AGXT: variants seen among roughly 807,000 people sequenced by gnomAD.
AGXT encodes the protein L-alanine: glyoxylate aminotransferase 1.
A neutral mutation model predicts 46.9 loss-of-function variants in AGXT; 41 were observed. That is an observed-to-expected ratio of 0.88 (90% CI 0.68 to 1.14). AGXT has a LOEUF of 1.14. Among genes scored for constraint, AGXT ranks in the 50% most tolerant of loss-of-function variants. The probability of loss-of-function intolerance (pLI) is 0.00; values close to 1 mark genes in which losing one functional copy is unlikely to be tolerated. For missense variants in AGXT, 525 were observed against 522.7 expected (o/e 1.00, Z -0.04); for synonymous variants, 244 against 227.9 (o/e 1.07, Z -0.64).
In AGXT at chr2:240,868,946, G is replaced by T. The variant is rs1175994112; in HGVS notation, c.81G>T (p.Gly27=). The change falls in exon 1 of 11, where the codon GGG becomes GGT. Residue 27 remains glycine (G), a synonymous_variant. Transcript: ENST00000307503. ...PLSIPNQLLL[G]PGPSNLPPRI... ...CCATCCCCAACCAGCTCCTGCTGGG[G>T]CCTGGTCCTTCCAACCTGCCTCCTC... 3 of 1,613,104 alleles carry T rather than the reference G, an allele frequency of 1.9e-6. No individual in the cohort carries two copies. In the African/African-American group the frequency reaches 4.0e-5, roughly 22 times the overall value.
At chr2:240,875,234 G>A in intron 7 of AGXT, 30 bp downstream of exon 7, 3 of 1,567,006 alleles carry the variant, frequency 1.9e-6, no homozygotes, top group Non-Finnish European at 2.6e-6. Context: ...GGAAGGTGGA[G>A]GGCGCTGGGC....
rs558929513 is a variant in AGXT, at chr2:240,878,918, T to C, written c.*97T>C. Reference sequence around the variant, plus strand: ...CAGACCCTGCAAGGTCCTCCAGGCCTGGGGACAGGAAAGCCACTGACCCAG... The same window carrying C: ...CAGACCCTGCAAGGTCCTCCAGGCCCGGGGACAGGAAAGCCACTGACCCAG... On this transcript the variant is annotated 3_prime_UTR_variant, in exon 11 of 11. Transcript: ENST00000307503. The C allele has an allele frequency of 4.6e-6, 6 of 1,302,916 alleles. No homozygotes were observed. The highest frequency in any genetic ancestry group is 1.3e-5 in the South Asian group (1 of 79,220). 80.7% of individuals were successfully genotyped at this position (1,302,916 alleles called of 1,614,324 possible). A position where few individuals can be genotyped will look rare whatever the true frequency, so the allele number is the denominator to read the frequency against.
Position 240,871,376 on chromosome 2 carries a change from C to A in AGXT, c.451C>A (p.Leu151Met). Residue 151 changes from leucine to methionine, a missense_variant, in exon 4 of 11, where the codon CTG (leucine) becomes ATG (methionine). Leu to Met is a conservative substitution (Grantham distance 15). Transcript: ENST00000307503. ...EGLAQHKPVL[L>M]FLTHGESSTG... ...CCTGGCCCAGCACAAGCCAGTGCTG[C>A]TGTTCTTAACCCACGGGGAGTCGTC... 6.3e-7 allele frequency: 1 copy of A among 1,595,926 alleles called. No homozygotes were observed. Among genetic ancestry groups the A allele is most frequent in the Non-Finnish European group, 8.5e-7 (1 of 1,171,798 alleles).
At position 240,878,845 on chromosome 2, in the gene AGXT, C is replaced by T; in HGVS notation, c.*24C>T. 6.4e-7 allele frequency: 1 copy of T among 1,556,004 alleles called. No individual in the cohort carries two copies. Among genetic ancestry groups the T allele is most frequent in the Non-Finnish European group, 8.7e-7 (1 of 1,149,480 alleles). ...GACCTGCCCACTGGCACACAGCTGG[C>T]ACTGGCACACACCTGTCCCATGCCC... On this transcript the variant is annotated 3_prime_UTR_variant, in exon 11 of 11. Coordinates refer to ENST00000307503, the MANE Select transcript of AGXT (RefSeq NM_000030.3).
intron 9 of AGXT, 144 bp from the exon 10 acceptor site, chr2:240,877,878 G>A (rs2059036071): frequency 8.4e-7 from 1 of 1,184,646 alleles, no homozygotes; most frequent in Middle Eastern, 2.9e-4. Context: ...GCCTCCTAAG[G>A]GGTGGGGTCC....
chr2:240,878,907 T>G lies in AGXT; in HGVS notation c.*86T>G. 2.9e-6 allele frequency: 4 copies of G among 1,365,810 alleles called. No individual in the cohort carries two copies. The highest frequency in any genetic ancestry group is 4.0e-6 in the Non-Finnish European group (4 of 988,688). 84.6% of individuals were successfully genotyped at this position (1,365,810 alleles called of 1,614,324 possible). A position where few individuals can be genotyped will look rare whatever the true frequency, so the allele number is the denominator to read the frequency against. On this transcript the variant is annotated 3_prime_UTR_variant, in exon 11 of 11. Coordinates refer to ENST00000307503, the MANE Select transcript of AGXT (RefSeq NM_000030.3). ...TCAGGAGCAAACAGACCCTGCAAGG[T>G]CCTCCAGGCCTGGGGACAGGAAAGC...
At position 240,868,910 on chromosome 2, in the gene AGXT, C is replaced by G. The variant is rs1176113554; in HGVS notation, c.45C>G (p.Leu15=). 1.9e-6 allele frequency: 3 copies of G among 1,613,282 alleles called. No individual in the cohort carries two copies. The highest frequency in any genetic ancestry group is 1.7e-6 in the Non-Finnish European group (2 of 1,180,004). The change falls in exon 1 of 11, where the codon CTC becomes CTG. Residue 15 remains leucine, a synonymous_variant. Transcript: ENST00000307503. ...KLLVTPPKAL[L]KPLSIPNQLL... ...TGGTGACCCCCCCCAAGGCCCTGCT[C>G]AAGCCCCTCTCCATCCCCAACCAGC...
intron 6 of AGXT, among the ~76,000 whole-genome samples, chr2:240,874,637 G>A (rs963060249): frequency 2.6e-5 from 4 of 152,234 alleles, no homozygotes; most frequent in Non-Finnish European, 5.9e-5. Context: ...GATGCCAGCT[G>A]GACCACACGG....
chr2:240,878,084 C>A lies in AGXT; in HGVS notation c.1005C>A (p.Ile335=). ...CCGCTGGCTATGACTGGAGAGACAT[C>A]GTCAGCTACGTCATAGACCACTTCG... is the stretch of plus-strand genomic sequence containing the variant. ...AVPAGYDWRD[I]VSYVIDHFDI... The change falls in exon 10 of 11, where the codon ATC becomes ATA. Residue 335 remains isoleucine (I), a synonymous_variant. Transcript: ENST00000307503. 6.2e-7 allele frequency: 1 copy of A among 1,613,310 alleles called. No homozygotes were observed.
At position 240,877,640 on chromosome 2, in the gene AGXT, G is replaced by A. The variant is rs565273596; in HGVS notation, c.942+8G>A. On this transcript the variant is annotated splice_region_variant and intron_variant, in intron 9 of 10. Coordinates refer to ENST00000307503, the MANE Select transcript of AGXT (RefSeq NM_000030.3). ...CTCTTCGTGAAGGACCCGGTAAGGA[G>A]GCCCCTGGCATTGGGCAGCCCTGCA... is the stretch of plus-strand genomic sequence containing the variant. 6.4e-7 allele frequency: 1 copy of A among 1,550,512 alleles called. No individual in the cohort carries two copies. Among genetic ancestry groups the A allele is most frequent in the East Asian group, 2.4e-5 (1 of 40,946 alleles).
chr2:240,877,236 C>A, intron 8 of AGXT: 1 of 580,648 alleles, frequency 1.7e-6, no homozygotes, highest in South Asian at 1.6e-5. Flanking sequence ...CCCAACAGCC[C>A]TTCCCCTCCT....
rs80015252 is a variant in AGXT, at chr2:240,871,501, T to C, written c.524+52T>C. On this transcript the variant is annotated intron_variant, in intron 4 of 10. Coordinates refer to ENST00000307503, the MANE Select transcript of AGXT (RefSeq NM_000030.3). ...TGGAGCACAGCTCAGAGCCAGGCTA[T>C]GGGGAGGGGTGGGCACTGGTCCCTC... 7.3e-4 allele frequency: 1,081 copies of C among 1,485,964 alleles called. 2 individuals carry two copies. Among genetic ancestry groups the C allele is most frequent in the Admixed American group, 2.9e-3 (150 of 51,060 alleles). The allele number at this position is 1,485,964 out of a possible 1,614,324, so 92.0% of individuals were successfully genotyped here.
intron 7 of AGXT, among the ~76,000 whole-genome samples, 172 bp from the exon 8 acceptor site, chr2:240,875,763 C>T (rs774877966): frequency 4.6e-5 from 7 of 152,236 alleles, no homozygotes; most frequent in Admixed American, 6.5e-5. Flanking sequence ...CCCTGGCAGA[C>T]GAAGCTGCCT....
Position 240,878,918 on chromosome 2 carries a change from T to G in AGXT, c.*97T>G. The G allele has an allele frequency of 2.3e-6, 3 of 1,302,914 alleles. No homozygotes were observed. The highest frequency in any genetic ancestry group is 3.2e-6 in the Non-Finnish European group (3 of 932,762). The allele number at this position is 1,302,914 out of a possible 1,614,324, so 80.7% of individuals were successfully genotyped here. On this transcript the variant is annotated 3_prime_UTR_variant, in exon 11 of 11. Transcript: ENST00000307503. Reference sequence around the variant, plus strand: ...CAGACCCTGCAAGGTCCTCCAGGCCTGGGGACAGGAAAGCCACTGACCCAG... The same window carrying G: ...CAGACCCTGCAAGGTCCTCCAGGCCGGGGGACAGGAAAGCCACTGACCCAG...
chr2:240,878,556 C>T (rs1289482866), intron 10 of AGXT, among the ~76,000 whole-genome samples, 158 bp from the exon 11 acceptor site: 1 of 152,182 alleles, frequency 6.6e-6, no homozygotes, highest in Non-Finnish European at 1.5e-5. Flanking sequence ...TGCTCAAGGG[C>T]CCCCTCTGTG....
rs537059316 is a variant in AGXT, at chr2:240,869,103, G to A, written c.166-67G>A. The A allele has an allele frequency of 4.4e-6, 7 of 1,604,898 alleles. No individual in the cohort carries two copies. In the African/African-American group the frequency reaches 1.0e-4, roughly 23 times the overall value. Reference sequence around the variant, plus strand: ...ACCCACAGATCGTGGACGAGGGAAGGGGGTCACTGCCTCCTCACTTGGGGA... The same window carrying A: ...ACCCACAGATCGTGGACGAGGGAAGAGGGTCACTGCCTCCTCACTTGGGGA... On this transcript the variant is annotated intron_variant, in intron 1 of 10. Coordinates refer to ENST00000307503, the MANE Select transcript of AGXT (RefSeq NM_000030.3).
intron 4 of AGXT, among the ~76,000 whole-genome samples, chr2:240,872,392 TGGAGGAGGGTGAGAGTTCGTGAACATGCA>T (rs2058996749): frequency 6.0e-4 from 13 of 21,576 alleles, no homozygotes; most frequent in East Asian, 2.3e-3. Context: ...AACATGCAGG[TGGAGGAGGGTGAGAGTTCGTGAACATGCA>T]GGAGGAGGGT....
intron 9 of AGXT, 46 bp from the exon 10 acceptor site, chr2:240,877,976 C>G: frequency 1.2e-6 from 2 of 1,603,620 alleles, no homozygotes; most frequent in Non-Finnish European, 1.7e-6. Flanking sequence ...CACAAAGGCC[C>G]GTACAGGGCC....
chr2:240,870,140 G>A (rs2058983720), intron 2 of AGXT, among the ~76,000 whole-genome samples: 1 of 152,184 alleles, frequency 6.6e-6, no homozygotes, highest in South Asian at 2.1e-4. Flanking sequence ...GCCCTGAACA[G>A]CACACAGGAT....
Sources: allele counts gnomAD v4.1 joint callset (sites outside exome capture counted in the v4.1 genomes callset), GRCh38; gene constraint gnomAD v4.1.1; transcripts MANE v1.5; gene names NCBI Gene and HGNC (gene_info 2026-07-23, HGNC 2026-07-21).